CCDC178: variants seen among roughly 807,000 people sequenced by gnomAD.
CCDC178 encodes coiled-coil domain-containing protein 178.
A neutral mutation model predicts 117.4 loss-of-function variants in CCDC178; 126 were observed. The ratio of observed to expected loss-of-function variants is 1.07; its 90% CI spans 0.93 to 1.24. The LOEUF is 1.24. Ranked by LOEUF, CCDC178 falls within the 50% of genes most tolerant of loss-of-function variation. The pLI is 0.00. For missense variants in CCDC178, 1,030 were observed against 986.9 expected (o/e 1.04, Z -0.59); for synonymous variants, 283 against 313.4 (o/e 0.90, Z 1.02).
intron 20 of CCDC178, among the ~76,000 whole-genome samples, chr18:33,150,788 A>G (rs2058331970): frequency 1.3e-5 from 2 of 152,232 alleles, no homozygotes; most frequent in South Asian, 2.1e-4. Context: ...GTATCTACCC[A>G]AAGAAAAAGA....
intron 20 of CCDC178, among the ~76,000 whole-genome samples, chr18:33,138,728 C>T (rs2058159774): frequency 6.6e-6 from 1 of 152,096 alleles, no homozygotes; most frequent in Non-Finnish European, 1.5e-5. Flanking sequence ...AGAAGTCAAA[C>T]TTGGACAAGT....
intron 21 of CCDC178, among the ~76,000 whole-genome samples, chr18:33,089,475 C>T (rs556085831): frequency 3.3e-5 from 5 of 152,198 alleles, no homozygotes; most frequent in Non-Finnish European, 5.9e-5. Context: ...CAATATAGCA[C>T]AAATACTTTG....
In CCDC178 at chr18:33,245,317, A is replaced by G; in HGVS notation, c.1521T>C (p.Thr507=). Residue 507 remains threonine (T), a synonymous_variant, in exon 15 of 23, where the codon ACT becomes ACC. Transcript: ENST00000383096. ...TCTTGTGTTTGGTTAGGTGGAAAAG[A>G]GTACCAATGCGATAAGCCTCCTTAT... The part of the protein sequence containing the change: ...NIYKEAYRIG[T]LFHLTKHKTD... 1 of 1,607,816 alleles carries G rather than the reference A, an allele frequency of 6.2e-7. No homozygotes were observed.
At chr18:33,222,973 T>G (rs1386750842) in intron 18 of CCDC178, 133 bp downstream of exon 18, 1 of 638,520 alleles carries the variant, frequency 1.6e-6, no homozygotes. Context: ...TGTGTGCGCT[T>G]TTATCCCTAG....
chr18:32,996,082 C>T lies in CCDC178; in HGVS notation c.2389-21401G>A, dbSNP rs74584871. On this transcript the variant is annotated intron_variant, in intron 21 of 22. Transcript: ENST00000383096. ...GTCAGATACGGAATGAATGAATTTTCAAAAAGTGAGCTTTCCTTTATGGTT... is the reference window on the plus strand; with the variant it reads ...GTCAGATACGGAATGAATGAATTTTTAAAAAGTGAGCTTTCCTTTATGGTT... Among the ~76,000 whole-genome samples the T allele has an allele frequency of 9.3e-3, 1,410 of 151,524 alleles. 23 individuals are homozygous for T. The highest frequency in any genetic ancestry group is 0.033 in the African/African-American group (1,354 of 41,416).
intron 21 of CCDC178, among the ~76,000 whole-genome samples, chr18:33,034,677 T>C (rs531396497): frequency 2.0e-5 from 3 of 152,066 alleles, no homozygotes. Context: ...CTTTGTTGTG[T>C]ACACAATGAT....
chr18:33,330,662 G>C (rs1218592108), intron 10 of CCDC178, among the ~76,000 whole-genome samples: 3 of 152,084 alleles, frequency 2.0e-5, no homozygotes, highest in Non-Finnish European at 4.4e-5. Context: ...TAAGGACAAG[G>C]CTCACACTAT....
intron 15 of CCDC178, among the ~76,000 whole-genome samples, chr18:33,233,028 G>A (rs2059385433): frequency 6.6e-6 from 1 of 151,980 alleles, no homozygotes; most frequent in Non-Finnish European, 1.5e-5. Context: ...TATTTATTGA[G>A]TATCTGTATA....
At chr18:33,388,605 C>T (rs1315826641) in intron 5 of CCDC178, among the ~76,000 whole-genome samples, 14 of 131,952 alleles carry the variant, frequency 1.1e-4, no homozygotes, top group African/African-American at 2.9e-4. Context: ...CTGCAAGCTC[C>T]GCCTCCCGGG....
chr18:33,393,554 T>C (rs2063591132), intron 4 of CCDC178, among the ~76,000 whole-genome samples: 1 of 152,176 alleles, frequency 6.6e-6, no homozygotes, highest in Non-Finnish European at 1.5e-5. Context: ...TAGTTTTGTC[T>C]TTTTCTTGGA....
chr18:33,309,456 G>A (rs562937610), intron 11 of CCDC178, among the ~76,000 whole-genome samples: 2 of 152,210 alleles, frequency 1.3e-5, no homozygotes, highest in East Asian at 3.9e-4. Context: ...ATACATGCTT[G>A]TAGAAAAACT....
chr18:33,411,790 A>C (rs540557013), intron 3 of CCDC178, among the ~76,000 whole-genome samples: 2 of 152,218 alleles, frequency 1.3e-5, no homozygotes, highest in East Asian at 3.9e-4. Flanking sequence ...CTATTTTATT[A>C]CCTATAACAC....
intron 20 of CCDC178, among the ~76,000 whole-genome samples, chr18:33,114,778 ATTC>A (rs1002726114): frequency 6.6e-6 from 1 of 152,118 alleles, no homozygotes; most frequent in Admixed American, 6.6e-5. Context: ...TACACTGTTC[ATTC>A]TTCTAATAGG....
chr18:33,168,493 T>C (rs1368964287), intron 20 of CCDC178, among the ~76,000 whole-genome samples: 3 of 152,172 alleles, frequency 2.0e-5, no homozygotes, highest in Admixed American at 1.3e-4. Flanking sequence ...AGTTAAAAAA[T>C]ACTTTTTCCA....
At chr18:33,431,074 CAAAA>C (rs368036930) in intron 2 of CCDC178, among the ~76,000 whole-genome samples, 1 of 66,408 alleles carries the variant, frequency 1.5e-5, no homozygotes, top group Non-Finnish European at 3.0e-5. Flanking sequence ...GACTACGTCT[CAAAA>C]AAAAAAAAAA....
intron 21 of CCDC178, among the ~76,000 whole-genome samples, chr18:33,053,618 T>A (rs969655674): frequency 1.3e-5 from 2 of 152,150 alleles, no homozygotes; most frequent in African/African-American, 4.8e-5. Flanking sequence ...ATATATTAGA[T>A]GTCAATAGAG....
chr18:33,263,331 T>A (rs2059773252), intron 14 of CCDC178, among the ~76,000 whole-genome samples: 1 of 152,170 alleles, frequency 6.6e-6, no homozygotes, highest in African/African-American at 2.4e-5. Flanking sequence ...TGATAAAGAT[T>A]TCTAAACAAA....
chr18:32,984,548 C>CTTTATATATATATATAAATATATAA (rs1568198143), intron 21 of CCDC178, among the ~76,000 whole-genome samples: 12 of 151,700 alleles, frequency 7.9e-5, no homozygotes, highest in African/African-American at 2.9e-4. Context: ...TGTGTAAAGA[C>CTTTATATATATATATAAATATATAA]AGTAGTTTAT....
intron 21 of CCDC178, among the ~76,000 whole-genome samples, chr18:33,035,054 G>A (rs1299117331): frequency 6.6e-6 from 1 of 151,930 alleles, no homozygotes; most frequent in African/African-American, 2.4e-5. Flanking sequence ...TCAGCTGTTT[G>A]GGAGTGTATG....
Sources: gnomAD v4.1 joint callset for allele counts (sites outside exome capture counted in the v4.1 genomes callset) on GRCh38, gnomAD v4.1.1 for gene constraint, MANE v1.5 for transcripts, NCBI Gene and HGNC (gene_info 2026-07-23, HGNC 2026-07-21) for gene names.